GRM5: variants seen among roughly 807,000 people sequenced by gnomAD.
The protein encoded by GRM5 is metabotropic glutamate receptor 5.
In GRM5, 19 loss-of-function variants were observed where a neutral mutation model predicts 83.1. That is an observed-to-expected ratio of 0.23 (90% CI 0.16 to 0.34). The LOEUF (loss-of-function observed/expected upper bound fraction) is 0.34, where lower values mean the gene tolerates loss of function less well. Among genes scored for constraint, GRM5 ranks in the 10% least tolerant of loss-of-function variants. The pLI, the probability that GRM5 is intolerant of heterozygous loss-of-function variation, is 1.00. For synonymous variants in GRM5, 675 were observed against 633.6 expected, an observed-to-expected ratio of 1.07 and a Z score of -0.98; for missense variants, 1,160 against 1,588.3, an observed-to-expected ratio of 0.73 and a Z score of 4.58.
intron 6 of GRM5, among the ~76,000 whole-genome samples, chr11:88,593,943 G>C (rs569942976): frequency 2.2e-4 from 33 of 151,786 alleles, no homozygotes; most frequent in African/African-American, 8.0e-4. Flanking sequence ...ACAGGCGCCT[G>C]CCAACTTGCC....
intron 3 of GRM5, among the ~76,000 whole-genome samples, chr11:88,669,410 A>G (rs1397159238): frequency 1.3e-5 from 2 of 152,118 alleles, no homozygotes; most frequent in Non-Finnish European, 2.9e-5. Context: ...GATATCCAGC[A>G]TAAGTAAAAG....
intron 3 of GRM5, among the ~76,000 whole-genome samples, chr11:88,709,188 T>C (rs1941229561): frequency 6.6e-6 from 1 of 151,910 alleles, no homozygotes; most frequent in South Asian, 2.1e-4. Flanking sequence ...CTTAGTGATA[T>C]GGACCAAGGG....
chr11:89,000,064 A>G (rs1433213493), intron 2 of GRM5, among the ~76,000 whole-genome samples: 2 of 152,120 alleles, frequency 1.3e-5, no homozygotes, highest in Non-Finnish European at 2.9e-5. Context: ...CAGGAAGGGG[A>G]ACATCACACA....
intron 3 of GRM5, among the ~76,000 whole-genome samples, chr11:88,847,122 T>C (rs1049937472): frequency 6.6e-6 from 1 of 152,142 alleles, no homozygotes; most frequent in African/African-American, 2.4e-5. Context: ...AACTATTAAC[T>C]TTTGCTTTTC....
At chr11:89,030,905 A>C (rs148042566) in intron 2 of GRM5, among the ~76,000 whole-genome samples, 2,890 of 152,136 alleles carry the variant, frequency 0.019, 70 homozygotes, top group East Asian at 0.047. Context: ...TCTAAATATA[A>C]ATGTGTCTAG....
At chr11:88,610,892 C>A (rs4569011) in intron 4 of GRM5, among the ~76,000 whole-genome samples, 79,912 of 152,054 alleles carry the variant, frequency 0.53, 24,772 homozygotes, top group South Asian at 0.77. Flanking sequence ...ATGTATGTTC[C>A]TTTGTTGCCT....
chr11:89,060,606 G>T (rs1268667300), intron 1 of GRM5, among the ~76,000 whole-genome samples: 1 of 152,032 alleles, frequency 6.6e-6, no homozygotes, highest in East Asian at 1.9e-4. Context: ...TTAGAGCAGG[G>T]ATGAGTCTGC....
intron 4 of GRM5, among the ~76,000 whole-genome samples, chr11:88,617,631 C>T (rs867791728): frequency 2.0e-4 from 31 of 152,216 alleles, no homozygotes; most frequent in Middle Eastern, 3.4e-3. Flanking sequence ...TGATAGTAAG[C>T]GGTGGGTGCA....
chr11:88,852,060 G>A (rs931368550), intron 2 of GRM5, among the ~76,000 whole-genome samples: 13 of 152,144 alleles, frequency 8.5e-5, no homozygotes, highest in African/African-American at 3.1e-4. Context: ...AGAGGCATTT[G>A]CATAAATAAT....
At chr11:88,607,651 C>T (rs1938194168) in intron 4 of GRM5, among the ~76,000 whole-genome samples, 1 of 152,184 alleles carries the variant, frequency 6.6e-6, no homozygotes. Context: ...CATGGTATTT[C>T]ACCCCTTATT....
intron 8 of GRM5, among the ~76,000 whole-genome samples, chr11:88,545,827 T>C (rs1942375718): frequency 1.3e-5 from 2 of 152,120 alleles, no homozygotes; most frequent in African/African-American, 4.8e-5. Flanking sequence ...ATTAATCTTA[T>C]GATGTAACTC....
chr11:88,516,727 T>TC (rs1221778580), intron 9 of GRM5, among the ~76,000 whole-genome samples: 1 of 151,488 alleles, frequency 6.6e-6, no homozygotes, highest in East Asian at 1.9e-4. Flanking sequence ...ATCCTGGTTT[T>TC]TTTTTTTAAT....
intron 4 of GRM5, among the ~76,000 whole-genome samples, chr11:88,625,814 A>G (rs1054759865): frequency 6.6e-6 from 1 of 152,204 alleles, no homozygotes; most frequent in Non-Finnish European, 1.5e-5. Context: ...GCAACAAAAA[A>G]ATCAGACAAA....
intron 3 of GRM5, among the ~76,000 whole-genome samples, chr11:88,739,270 T>C (rs903903403): frequency 6.6e-6 from 1 of 152,050 alleles, no homozygotes; most frequent in African/African-American, 2.4e-5. Context: ...TCACCAAATG[T>C]TGACATATTA....
chr11:88,509,076 G>T lies in GRM5; in HGVS notation c.3155C>A (p.Ser1052Tyr). The change falls in exon 10 of 10, where the codon TCC becomes TAC. Residue 1052 changes from serine to tyrosine, a missense_variant. Transcript: ENST00000305447. Reference protein sequence around the residue: ...LHSEPVARSSSSQGSLMEQIS... With the variant: ...LHSEPVARSSYSQGSLMEQIS... ...CTGCTCCATGAGGGAGCCCTGCGAGGAGCTGCTGCGCGCCACAGGCTCCGA... is the reference window on the plus strand; with the variant it reads ...CTGCTCCATGAGGGAGCCCTGCGAGTAGCTGCTGCGCGCCACAGGCTCCGA... 1 of 1,551,808 alleles carries T rather than the reference G, an allele frequency of 6.4e-7. No homozygotes were observed.
intron 3 of GRM5, among the ~76,000 whole-genome samples, chr11:88,800,536 A>G (rs1350029092): frequency 6.6e-6 from 1 of 152,170 alleles, no homozygotes; most frequent in African/African-American, 2.4e-5. Context: ...TTAAATCCTT[A>G]GTGCCAATTG....
intron 3 of GRM5, among the ~76,000 whole-genome samples, chr11:88,781,513 C>G (rs1942975898): frequency 6.6e-6 from 1 of 152,164 alleles, no homozygotes; most frequent in African/African-American, 2.4e-5. Context: ...GAGGCAAAGG[C>G]ACGGTGCAGT....
chr11:88,722,113 G>A (rs1941555985), intron 3 of GRM5, among the ~76,000 whole-genome samples: 1 of 152,130 alleles, frequency 6.6e-6, no homozygotes, highest in South Asian at 2.1e-4. Context: ...TTCACATTTG[G>A]TCAAAATTTC....
At chr11:88,826,455 A>AG (rs1943895768) in intron 3 of GRM5, among the ~76,000 whole-genome samples, 1 of 151,198 alleles carries the variant, frequency 6.6e-6, no homozygotes, top group South Asian at 2.1e-4. Flanking sequence ...TATATATATA[A>AG]TTATTTTATT....
Sources: allele counts gnomAD v4.1 joint callset (sites outside exome capture counted in the v4.1 genomes callset), GRCh38; gene constraint gnomAD v4.1.1; transcripts MANE v1.5; gene names NCBI Gene and HGNC (gene_info 2026-07-23, HGNC 2026-07-21).